SBF2: variants seen among roughly 807,000 people sequenced by gnomAD.
The protein encoded by SBF2 is SET binding factor 2.
SBF2 carries 112 observed loss-of-function variants against 225.2 expected under a neutral mutation model. That is an observed-to-expected ratio of 0.50 (90% CI 0.43 to 0.58). SBF2 has a LOEUF of 0.58. Among genes scored for constraint, SBF2 ranks in the 20% least tolerant of loss-of-function variants. The pLI is 0.00. For synonymous variants in SBF2, 763 were observed against 773.3 expected, an observed-to-expected ratio of 0.99 and a Z score of 0.22; for missense variants, 1,996 against 2,206.2, an observed-to-expected ratio of 0.90 and a Z score of 1.91.
At chr11:9,985,736 A>G (rs1314946747) in intron 13 of SBF2, among the ~76,000 whole-genome samples, 1 of 152,168 alleles carries the variant, frequency 6.6e-6, no homozygotes, top group Non-Finnish European at 1.5e-5. Context: ...AAATATCACA[A>G]TCCTAAACAT....
intron 16 of SBF2, among the ~76,000 whole-genome samples, chr11:9,925,363 C>G (rs1012109843): frequency 1.3e-5 from 2 of 152,044 alleles, no homozygotes; most frequent in Non-Finnish European, 2.9e-5. Context: ...CTGCAACCTC[C>G]ACCTCCCGGC....
intron 17 of SBF2, among the ~76,000 whole-genome samples, chr11:9,876,895 T>C (rs1859299844): frequency 6.6e-6 from 1 of 151,908 alleles, no homozygotes. Flanking sequence ...CCCACCACCA[T>C]CCCCAGCTAA....
chr11:10,141,038 G>A (rs1343096175), intron 2 of SBF2, among the ~76,000 whole-genome samples: 1 of 152,098 alleles, frequency 6.6e-6, no homozygotes, highest in African/African-American at 2.4e-5. Flanking sequence ...ACAGGTAAAT[G>A]AAAATGACTC....
At chr11:10,173,518 G>A (rs992298905) in intron 2 of SBF2, among the ~76,000 whole-genome samples, 13 of 152,210 alleles carry the variant, frequency 8.5e-5, no homozygotes, top group Admixed American at 3.3e-4. Flanking sequence ...CTACGCCCAC[G>A]GAGTCTCGCT....
At chr11:9,912,869 C>T (rs745505801) in intron 16 of SBF2, among the ~76,000 whole-genome samples, 1 of 152,124 alleles carries the variant, frequency 6.6e-6, no homozygotes, top group African/African-American at 2.4e-5. Flanking sequence ...ATATTGCATA[C>T]AAGAAGACAT....
At chr11:10,038,535 T>C (rs931586415) in intron 3 of SBF2, among the ~76,000 whole-genome samples, 1 of 151,970 alleles carries the variant, frequency 6.6e-6, no homozygotes, top group Admixed American at 6.6e-5. Flanking sequence ...TCCAGTTGCC[T>C]AGTCTGCAAT....
At chr11:10,224,669 A>G (rs1049718044) in intron 1 of SBF2, among the ~76,000 whole-genome samples, 1 of 152,100 alleles carries the variant, frequency 6.6e-6, no homozygotes, top group African/African-American at 2.4e-5. Context: ...TTCTGCATAC[A>G]TGGCTGGTTC....
At chr11:9,871,103 G>C (rs755302067) in intron 17 of SBF2, among the ~76,000 whole-genome samples, 9 of 151,906 alleles carry the variant, frequency 5.9e-5, no homozygotes, top group Non-Finnish European at 1.0e-4. Context: ...ATTTCATAAT[G>C]AAAGCACCAA....
At chr11:10,162,791 A>C (rs1340788911) in intron 2 of SBF2, among the ~76,000 whole-genome samples, 2 of 152,206 alleles carry the variant, frequency 1.3e-5, no homozygotes, top group Non-Finnish European at 2.9e-5. Context: ...ATCAAAGAGA[A>C]GAAACATCCA....
At chr11:10,059,873 C>A (rs1427597417) in intron 2 of SBF2, among the ~76,000 whole-genome samples, 3 of 152,058 alleles carry the variant, frequency 2.0e-5, no homozygotes, top group African/African-American at 7.2e-5. Flanking sequence ...TGGGACACAG[C>A]TAAAGCAGTG....
intron 2 of SBF2, among the ~76,000 whole-genome samples, chr11:10,072,890 A>AATT (rs58223002): frequency 5.2e-4 from 78 of 148,588 alleles, no homozygotes; most frequent in South Asian, 2.2e-3. Flanking sequence ...ACATATGGCT[A>AATT]ATTATTATTA....
Position 9,858,319 on chromosome 11 carries a change from C to T in SBF2, c.2007G>A (p.Trp669Ter). 1 of 1,614,144 alleles carries T rather than the reference C, an allele frequency of 6.2e-7. No individual in the cohort carries two copies. Among genetic ancestry groups the T allele is most frequent in the Non-Finnish European group, 8.5e-7 (1 of 1,180,028 alleles). The change falls in exon 18 of 40, where the codon TGG becomes TGA. Residue 669 changes from tryptophan to a stop codon, truncating the protein, a stop_gained. Transcript: ENST00000256190. LOFTEE classifies it high-confidence loss of function. Reference sequence around the variant, plus strand: ...GCACTGCATTGTAAAAGGTTGTCTCCCAAAATTGCTGATTTGTCCAAATGG... The same window carrying T: ...GCACTGCATTGTAAAAGGTTGTCTCTCAAAATTGCTGATTTGTCCAAATGG... Reference protein sequence around the residue: ...DHPIWTNQQFWETTFYNAVQE... With the variant: ...DHPIWTNQQF
chr11:10,133,144 A>C (rs976371506), intron 2 of SBF2, among the ~76,000 whole-genome samples: 1 of 149,302 alleles, frequency 6.7e-6, no homozygotes, highest in Non-Finnish European at 1.5e-5. Context: ...ACAAACCTTG[A>C]GCTAAACACA....
intron 2 of SBF2, among the ~76,000 whole-genome samples, chr11:10,177,027 C>G (rs1956496475): frequency 6.6e-6 from 1 of 151,870 alleles, no homozygotes; most frequent in Non-Finnish European, 1.5e-5. Flanking sequence ...GGATGCAAGG[C>G]TGGTTCAATA....
chr11:9,868,366 A>AAAAAAAAAAG (rs1554933292), intron 17 of SBF2, among the ~76,000 whole-genome samples: 33 of 114,924 alleles, frequency 2.9e-4, no homozygotes, highest in African/African-American at 4.3e-4. Flanking sequence ...AAAAAAAAAA[A>AAAAAAAAAAG]AATTAGGCGG....
At chr11:9,869,933 T>C (rs1858581259) in intron 17 of SBF2, among the ~76,000 whole-genome samples, 1 of 152,220 alleles carries the variant, frequency 6.6e-6, no homozygotes, top group African/African-American at 2.4e-5. Context: ...GCTGATGGCA[T>C]GGTCCTATAT....
intron 1 of SBF2, among the ~76,000 whole-genome samples, chr11:10,244,783 G>C (rs1448572257): frequency 1.3e-5 from 2 of 152,054 alleles, no homozygotes; most frequent in Non-Finnish European, 2.9e-5. Flanking sequence ...ACTGATAAAA[G>C]ATTAATATCT....
intron 16 of SBF2, among the ~76,000 whole-genome samples, chr11:9,924,320 G>C (rs936304485): frequency 3.3e-5 from 5 of 152,178 alleles, no homozygotes; most frequent in African/African-American, 1.2e-4. Context: ...CTTTGTATTA[G>C]ATGATTCTGC....
chr11:10,233,415 T>G (rs1375583123), intron 1 of SBF2, among the ~76,000 whole-genome samples: 3 of 151,442 alleles, frequency 2.0e-5, no homozygotes, highest in Non-Finnish European at 4.4e-5. Context: ...CCAAAATCTT[T>G]GTACTGCCGG....
Sources: gnomAD v4.1 joint callset for allele counts (sites outside exome capture counted in the v4.1 genomes callset) on GRCh38, gnomAD v4.1.1 for gene constraint, MANE v1.5 for transcripts, NCBI Gene and HGNC (gene_info 2026-07-23, HGNC 2026-07-21) for gene names.